Variants in TMEM132C observed in about 807,000 individuals in gnomAD.
TMEM132C encodes the protein protein phosphatase 1, regulatory subunit 152.
TMEM132C carries 29 observed loss-of-function variants against 61.4 expected under a neutral mutation model. That is an observed-to-expected ratio of 0.47 (90% CI 0.35 to 0.64). The LOEUF (loss-of-function observed/expected upper bound fraction) is 0.64. TMEM132C is among the 30% of genes least tolerant of loss of function. The pLI is 0.00. For synonymous variants in TMEM132C, 656 were observed against 633.1 expected, an observed-to-expected ratio of 1.04 and a Z score of -0.54; for missense variants, 1,408 against 1,476.9, an observed-to-expected ratio of 0.95 and a Z score of 0.76.
At chr12:128,648,167 C>T (rs1254242608) in intron 4 of TMEM132C, among the ~76,000 whole-genome samples, 8 of 150,296 alleles carry the variant, frequency 5.3e-5, no homozygotes, top group Non-Finnish European at 8.8e-5. Context: ...ATGCCATCAA[C>T]GTTAAATATG....
At chr12:128,639,253 GAT>G (rs1954134560) in intron 4 of TMEM132C, among the ~76,000 whole-genome samples, 2 of 150,538 alleles carry the variant, frequency 1.3e-5, no homozygotes, top group Admixed American at 6.6e-5. Flanking sequence ...TGATAATGAT[GAT>G]GGTGATGATG....
rs1261891879 is a variant in TMEM132C at position 128,395,135 on chromosome 12, TTATTA to T, written c.86-19591_86-19587del. On this transcript the variant is annotated intron_variant, in intron 1 of 8. Transcript: ENST00000435159. ...TCAGTTTCTTGTTATTGTAACATAA[TTATTA>T]TATTAAATTTATTAATATTTTATGG... Among the ~76,000 whole-genome samples, 4 of 151,050 alleles carry T rather than the reference TTATTA, an allele frequency of 2.6e-5. No individual in the cohort carries two copies. In the South Asian group the frequency reaches 6.2e-4, roughly 23 times the overall value.
rs207473513 is a variant in TMEM132C, at chr12:128,686,330, A to G, written c.1450-7499A>G. On this transcript the variant is annotated intron_variant, in intron 5 of 8. Transcript: ENST00000435159. ...GTTGATGCTGAGACCAGCTCTGGCC[A>G]TTTAATCCTCTATAGATTTGGGAGG... 8.5e-5 allele frequency among the ~76,000 whole-genome samples: 13 copies of G among 152,342 alleles called. No individual in the cohort carries two copies. In the South Asian group the frequency reaches 2.5e-3, roughly 29 times the overall value.
intron 8 of TMEM132C, among the ~76,000 whole-genome samples, chr12:128,703,691 T>C (rs1301424820): frequency 2.0e-5 from 3 of 152,230 alleles, no homozygotes; most frequent in Non-Finnish European, 4.4e-5. Flanking sequence ...CTATTGTGAC[T>C]CCATGTCTTT....
At chr12:128,455,355 G>T (rs990571348) in intron 2 of TMEM132C, among the ~76,000 whole-genome samples, 6 of 152,204 alleles carry the variant, frequency 3.9e-5, no homozygotes, top group Non-Finnish European at 8.8e-5. Flanking sequence ...AACAGAAGTG[G>T]GAAGGTTGGA....
rs1043261015 is a variant in TMEM132C at position 128,499,432 on chromosome 12, G to C, written c.975-44525G>C. ...AGAATATTCCAATTCTACCATTTTA[G>C]TTATTTTAAAATATATAATAAACTG... On this transcript the variant is annotated intron_variant, in intron 2 of 8. Coordinates refer to ENST00000435159, the MANE Select transcript of TMEM132C (RefSeq NM_001136103.3). 5.9e-5 allele frequency among the ~76,000 whole-genome samples: 9 copies of C among 152,130 alleles called. No homozygotes were observed. The South Asian group carries it at 1.2e-3, about 21-fold the overall frequency.
chr12:128,433,403 C>T (rs1359097877), intron 2 of TMEM132C, among the ~76,000 whole-genome samples: 1 of 152,174 alleles, frequency 6.6e-6, no homozygotes, highest in Non-Finnish European at 1.5e-5. Flanking sequence ...CTTCTGCTCC[C>T]TCCATAAGCT....
chr12:128,401,942 A>C (rs1012848364), intron 1 of TMEM132C, among the ~76,000 whole-genome samples: 2 of 152,148 alleles, frequency 1.3e-5, no homozygotes, highest in Non-Finnish European at 2.9e-5. Flanking sequence ...GGCTGCAAAT[A>C]TGTGACCTGC....
At chr12:128,516,998 G>A (rs921768427) in intron 2 of TMEM132C, among the ~76,000 whole-genome samples, 2 of 150,922 alleles carry the variant, frequency 1.3e-5, no homozygotes, top group Non-Finnish European at 2.9e-5. Flanking sequence ...GAGGCAGGCG[G>A]ATCACTTGAC....
At position 128,653,823 on chromosome 12, in the gene TMEM132C, G is replaced by A. The variant is rs1954297643; in HGVS notation, c.1306-15594G>A. Among the ~76,000 whole-genome samples the A allele has an allele frequency of 2.6e-5, 4 of 152,202 alleles. No homozygotes were observed. The South Asian group carries it at 8.3e-4, about 32-fold the overall frequency. On this transcript the variant is annotated intron_variant, in intron 4 of 8. Coordinates refer to ENST00000435159, the MANE Select transcript of TMEM132C (RefSeq NM_001136103.3). ...GTATTTTTACTGCTATAATGGTGCTGATTGGATCAATTCACCATCAGCTCA... is the reference window on the plus strand; with the variant it reads ...GTATTTTTACTGCTATAATGGTGCTAATTGGATCAATTCACCATCAGCTCA...
Position 128,415,185 on chromosome 12 carries a change from A to T in TMEM132C, c.539A>T (p.Glu180Val), listed in dbSNP as rs1200720990. ...GTCTTTGCTTTCCGAGAAACCAGAG[A>T]GGTGCGGGGCAGCTGCCGGCTGAAG... Reference protein sequence around the residue: ...LRVFAFRETREVRGSCRLKGD... With the variant: ...LRVFAFRETRVVRGSCRLKGD... The change falls in exon 2 of 9, where the codon GAG (glutamate) becomes GTG (valine). Residue 180 changes from glutamate to valine, a missense_variant. By Grantham distance (121) the Glu-to-Val change is moderately radical. Transcript: ENST00000435159. This position sits in a 1 kb window ranked among gnomAD's most constrained non-coding sequence, Gnocchi z 5.8. The T allele has an allele frequency of 6.2e-7, 1 of 1,610,660 alleles. No individual in the cohort carries two copies. The highest frequency in any genetic ancestry group is 8.5e-7 in the Non-Finnish European group (1 of 1,178,528).
At chr12:128,694,064 G>A in intron 6 of TMEM132C, 30 bp downstream of exon 6, 1 of 1,547,638 alleles carries the variant, frequency 6.5e-7, no homozygotes. Context: ...ATGCCCTAGA[G>A]CCAAAACAAC....
chr12:128,442,258 A>G (rs1411119865), intron 2 of TMEM132C, among the ~76,000 whole-genome samples: 2 of 152,140 alleles, frequency 1.3e-5, no homozygotes, highest in East Asian at 1.9e-4. Context: ...TCTCCTTCAT[A>G]TGGCTTCTGT....
At chr12:128,658,730 C>A (rs1954355974) in intron 4 of TMEM132C, among the ~76,000 whole-genome samples, 1 of 152,180 alleles carries the variant, frequency 6.6e-6, no homozygotes, top group Non-Finnish European at 1.5e-5. Context: ...ATAAAGTTCT[C>A]CCCAATTCAA....
intron 1 of TMEM132C, among the ~76,000 whole-genome samples, chr12:128,328,603 A>G (rs1354809496): frequency 6.6e-6 from 1 of 152,108 alleles, no homozygotes; most frequent in Non-Finnish European, 1.5e-5. Flanking sequence ...CCTGACCAAC[A>G]TGGTGAAACC....
intron 4 of TMEM132C, among the ~76,000 whole-genome samples, chr12:128,622,360 A>AAAAAATATATATATAT (rs1277080166): frequency 6.6e-5 from 2 of 30,122 alleles, no homozygotes; most frequent in African/African-American, 1.6e-4. Context: ...AAAAAAAAAA[A>AAAAAATATATATATAT]ATATATATAT....
chr12:128,393,126 T>C (rs1518376), intron 1 of TMEM132C, among the ~76,000 whole-genome samples: 13,595 of 152,280 alleles, frequency 0.089, 1,953 homozygotes, highest in African/African-American at 0.3. Flanking sequence ...TGCTTTAAAA[T>C]AGTGCTTTAT....
intron 2 of TMEM132C, among the ~76,000 whole-genome samples, chr12:128,459,687 C>T (rs937262687): frequency 1.3e-4 from 19 of 151,858 alleles, no homozygotes; most frequent in Non-Finnish European, 4.4e-5. Context: ...GAATTCAAGA[C>T]CAGCCTGGCC....
At chr12:128,492,097 G>A (rs549584267) in intron 2 of TMEM132C, among the ~76,000 whole-genome samples, 9 of 152,122 alleles carry the variant, frequency 5.9e-5, no homozygotes, top group East Asian at 5.8e-4. Flanking sequence ...GAGAACATGC[G>A]GTGTTTGGTT....
Sources: allele counts gnomAD v4.1 joint callset (sites outside exome capture counted in the v4.1 genomes callset), GRCh38; gene constraint gnomAD v4.1.1; non-coding constraint Gnocchi (gnomAD v3.1); transcripts MANE v1.5; gene names NCBI Gene and HGNC (gene_info 2026-07-23, HGNC 2026-07-21).